MCHR2: variants seen among roughly 807,000 people sequenced by gnomAD.
MCHR2 encodes the protein melanin-concentrating hormone receptor 2.
A neutral mutation model predicts 24.8 loss-of-function variants in MCHR2; 15 were observed. The ratio of observed to expected loss-of-function variants is 0.60; its 90% confidence interval spans 0.40 to 0.93. The LOEUF (loss-of-function observed/expected upper bound fraction) is 0.93. Among genes scored for constraint, MCHR2 ranks in the 40% least tolerant of loss-of-function variants. The pLI is 0.00. For missense variants in MCHR2, 386 were observed against 408.7 expected (o/e 0.94, Z 0.48); for synonymous variants, 151 against 147.6 (o/e 1.02, Z -0.17).
Position 99,947,835 on chromosome 6 carries a change from T to C in MCHR2, c.319A>G (p.Thr107Ala). Residue 107 changes from threonine to alanine, a missense_variant, in exon 3 of 6, where the codon ACC becomes GCC. Transcript: ENST00000281806. ...CAAGTATCCAGGGATGTGATGATGGTGCAGAGAGGCCCCCCAAACACCCAC... is the reference window on the plus strand; with the variant it reads ...CAAGTATCCAGGGATGTGATGATGGCGCAGAGAGGCCCCCCAAACACCCAC... ...GEWVFGGPLC[T>A]IITSLDTCNQ... The C allele has an allele frequency of 6.2e-7, 1 of 1,613,816 alleles. No individual in the cohort carries two copies. Among genetic ancestry groups the C allele is most frequent in the Non-Finnish European group, 8.5e-7 (1 of 1,179,798 alleles).
At chr6:99,941,910 C>T (rs368305962) in intron 4 of MCHR2, among the ~76,000 whole-genome samples, 2 of 151,872 alleles carry the variant, frequency 1.3e-5, no homozygotes, top group African/African-American at 4.8e-5. Context: ...TTGGCTGTGT[C>T]CACATAATGC....
rs144357447 is a variant in MCHR2 at position 99,919,075 on chromosome 6, T to A, written c.*1865A>T. ...TCAATATTATTCACTGAGCCCGGAC[T>A]GTTGCATCTTAGAAAAGTGAGAATG... is the stretch of plus-strand genomic sequence containing the variant. On this transcript the variant is annotated 3_prime_UTR_variant, in exon 6 of 6. Coordinates refer to ENST00000281806, the MANE Select transcript of MCHR2 (RefSeq NM_001040179.2). Among the ~76,000 whole-genome samples, 4 of 152,362 alleles carry A rather than the reference T, an allele frequency of 2.6e-5. No individual in the cohort carries two copies. In the East Asian group the frequency reaches 7.7e-4, roughly 29 times the overall value.
At chr6:99,964,161 T>C (rs1402383094) in intron 1 of MCHR2, among the ~76,000 whole-genome samples, 1 of 152,154 alleles carries the variant, frequency 6.6e-6, no homozygotes, top group East Asian at 1.9e-4. Context: ...CTCCCACCAC[T>C]GGTGGCAGCA....
intron 5 of MCHR2, among the ~76,000 whole-genome samples, chr6:99,931,825 T>A (rs932297112): frequency 6.6e-6 from 1 of 152,294 alleles, no homozygotes; most frequent in Admixed American, 6.5e-5. Context: ...TTTGGTTCGC[T>A]CACGGTGCAC....
At chr6:99,960,681 C>G (rs1775167317) in intron 1 of MCHR2, among the ~76,000 whole-genome samples, 1 of 152,148 alleles carries the variant, frequency 6.6e-6, no homozygotes. Context: ...TGCCACACAT[C>G]TACAACCATC....
At chr6:99,965,389 A>G (rs1232110153) in intron 1 of MCHR2, among the ~76,000 whole-genome samples, 1 of 152,202 alleles carries the variant, frequency 6.6e-6, no homozygotes, top group Non-Finnish European at 1.5e-5. Context: ...AAAATGTAGC[A>G]AAAGAGCTAT....
In MCHR2 at chr6:99,933,018, C is replaced by T. The variant is rs368871699; in HGVS notation, c.707+1380G>A. ...CTGTACTATCTGTACTATATCTCTA[C>T]TATCTACTTTTTTAGAAATGCAAAT... is the stretch of plus-strand genomic sequence containing the variant. On this transcript the variant is annotated intron_variant, in intron 5 of 5. Transcript: ENST00000281806. 3.6e-4 allele frequency among the ~76,000 whole-genome samples: 55 copies of T among 152,202 alleles called. No individual in the cohort carries two copies. The South Asian group carries it at 0.011, about 32-fold the overall frequency.
At chr6:99,973,652 G>A (rs778010044) in intron 1 of MCHR2, among the ~76,000 whole-genome samples, 7 of 152,170 alleles carry the variant, frequency 4.6e-5, no homozygotes, top group Admixed American at 2.6e-4. Flanking sequence ...TTTCTTCCTA[G>A]CCTTGATGGT....
At chr6:99,946,098 A>C (rs553608760) in intron 3 of MCHR2, among the ~76,000 whole-genome samples, 1 of 152,162 alleles carries the variant, frequency 6.6e-6, no homozygotes, top group East Asian at 1.9e-4. Context: ...ATTATCCCCA[A>C]GAATGGGATT....
chr6:99,944,628 G>A (rs746807351), intron 3 of MCHR2, among the ~76,000 whole-genome samples: 2 of 152,110 alleles, frequency 1.3e-5, no homozygotes, highest in Non-Finnish European at 2.9e-5. Context: ...CATGGCTAAC[G>A]AGGGAAGGGC....
rs911542191 is a variant in MCHR2 at position 99,948,826 on chromosome 6, G to T, written c.183-855C>A. On this transcript the variant is annotated intron_variant, in intron 2 of 5. Transcript: ENST00000281806. ...TTATTGCAGCTTAGGCCATTGTTAAGATTTCAACAATGACTTAGAAATATT... is the reference window on the plus strand; with the variant it reads ...TTATTGCAGCTTAGGCCATTGTTAATATTTCAACAATGACTTAGAAATATT... Among the ~76,000 whole-genome samples, 8 of 152,164 alleles carry T rather than the reference G, an allele frequency of 5.3e-5. No individual in the cohort carries two copies. In the East Asian group the frequency reaches 1.4e-3, roughly 26 times the overall value.
chr6:99,991,722 G>C (rs1354696566), intron 1 of MCHR2, among the ~76,000 whole-genome samples: 1 of 144,100 alleles, frequency 6.9e-6, no homozygotes, highest in African/African-American at 2.6e-5. Context: ...CAGGAGAATG[G>C]CGAGAACCCG....
At chr6:99,970,102 A>G (rs1775374535) in intron 1 of MCHR2, among the ~76,000 whole-genome samples, 1 of 150,660 alleles carries the variant, frequency 6.6e-6, no homozygotes, top group Non-Finnish European at 1.5e-5. Context: ...GTCAAATAGT[A>G]TTTCTAGTTC....
intron 1 of MCHR2, among the ~76,000 whole-genome samples, chr6:99,964,647 A>G (rs905497465): frequency 1.3e-5 from 2 of 151,718 alleles, no homozygotes. Flanking sequence ...AATTACTTCC[A>G]CCCTTGTTCT....
At chr6:99,956,487 C>T (rs1253513671) in intron 1 of MCHR2, among the ~76,000 whole-genome samples, 2 of 152,110 alleles carry the variant, frequency 1.3e-5, no homozygotes, top group Non-Finnish European at 2.9e-5. Context: ...TGGTTGTTTA[C>T]AGATCACGTC....
intron 5 of MCHR2, among the ~76,000 whole-genome samples, chr6:99,930,484 C>T (rs562965279): frequency 7.2e-5 from 11 of 152,256 alleles, no homozygotes; most frequent in South Asian, 4.2e-4. Flanking sequence ...ACCAATCAGA[C>T]GTAGATTTGG....
At chr6:99,966,950 A>T (rs957979673) in intron 1 of MCHR2, among the ~76,000 whole-genome samples, 22 of 152,138 alleles carry the variant, frequency 1.4e-4, no homozygotes, top group Admixed American at 1.0e-3. Flanking sequence ...GCCCCCTTGC[A>T]CTGTCTCTCC....
intron 2 of MCHR2, among the ~76,000 whole-genome samples, chr6:99,951,799 G>C (rs779299208): frequency 6.6e-6 from 1 of 152,080 alleles, no homozygotes; most frequent in Non-Finnish European, 1.5e-5. Flanking sequence ...GTCAGCAGCT[G>C]GAATTCTACC....
chr6:99,959,494 C>G (rs1775136029), intron 1 of MCHR2, among the ~76,000 whole-genome samples: 1 of 151,210 alleles, frequency 6.6e-6, no homozygotes, highest in Non-Finnish European at 1.5e-5. Flanking sequence ...AGAAAAATTG[C>G]CCAATCAAAT....
Sources: allele counts gnomAD v4.1 joint callset (sites outside exome capture counted in the v4.1 genomes callset), GRCh38; gene constraint gnomAD v4.1.1; transcripts MANE v1.5; gene names NCBI Gene and HGNC (gene_info 2026-07-23, HGNC 2026-07-21).